CYB5RL: variants seen among roughly 807,000 people sequenced by gnomAD.
CYB5RL encodes NADH-cytochrome b5 reductase-like.
CYB5RL carries 38 observed loss-of-function variants against 37.5 expected under a neutral mutation model. The ratio of observed to expected loss-of-function variants is 1.01; its 90% confidence interval spans 0.78 to 1.33. The LOEUF (loss-of-function observed/expected upper bound fraction) is 1.33. CYB5RL is among the 40% of genes most tolerant of loss of function. The pLI is 0.00. For synonymous variants in CYB5RL, 141 were observed against 151.9 expected (o/e 0.93, Z 0.53); for missense variants, 388 against 394.4 (o/e 0.98, Z 0.14).
intron 1 of CYB5RL, among the ~76,000 whole-genome samples, chr1:54,196,704 T>G (rs1023310116): frequency 1.3e-5 from 2 of 152,208 alleles, no homozygotes; most frequent in Admixed American, 1.3e-4. Flanking sequence ...CCACCTTTGT[T>G]TGCAATCCTA....
At chr1:54,190,962 T>A in intron 3 of CYB5RL, 66 bp from the exon 4 acceptor site, 1 of 1,558,020 alleles carries the variant, frequency 6.4e-7, no homozygotes, top group Non-Finnish European at 8.7e-7. Flanking sequence ...ATCCATAGCA[T>A]CCTTCCCACT....
At chr1:54,184,062 T>C in intron 6 of CYB5RL, 99 bp downstream of exon 6, 1 of 987,696 alleles carries the variant, frequency 1.0e-6, no homozygotes, top group Non-Finnish European at 1.5e-6. Flanking sequence ...GGGATTGTGT[T>C]TGAGCTCAAG....
chr1:54,177,385 C>G (rs1427914845), intron 7 of CYB5RL, among the ~76,000 whole-genome samples: 6 of 152,218 alleles, frequency 3.9e-5, no homozygotes, highest in African/African-American at 1.4e-4. Context: ...TGGCACCACC[C>G]TGGCCCAGCT....
Position 54,195,700 on chromosome 1 carries a change from C to G in CYB5RL, c.-84G>C. ...CTCTATGAGACCACGGGCGCAGGCC[C>G]TGCTCCTTGGCCAGCCTGGGAGAGG... On this transcript the variant is annotated 5_prime_UTR_variant, in exon 3 of 8. Transcript: ENST00000534324. The G allele has an allele frequency of 6.8e-7, 1 of 1,466,164 alleles. No homozygotes were observed. Among genetic ancestry groups the G allele is most frequent in the Non-Finnish European group, 9.1e-7 (1 of 1,094,342 alleles). The allele number at this position is 1,466,164 out of a possible 1,614,324, so 90.8% of individuals were successfully genotyped here.
At chr1:54,197,524 TG>T (rs1644019438) in intron 1 of CYB5RL, among the ~76,000 whole-genome samples, 1 of 152,004 alleles carries the variant, frequency 6.6e-6, no homozygotes, top group Non-Finnish European at 1.5e-5. Flanking sequence ...GGTCCTCCTG[TG>T]GGGACCTCTG....
Position 54,187,647 on chromosome 1 carries a change from C to T in CYB5RL, c.435+5G>A, listed in dbSNP as rs201638352. The T allele has an allele frequency of 2.8e-5, 45 of 1,613,854 alleles. No individual in the cohort carries two copies. In the East Asian group the frequency reaches 7.8e-4, roughly 28 times the overall value. ...ATCTTGGAGCATCCTCAAGGGTCAA[C>T]TCACCTTAATTAACACTTCAAAGTA... On this transcript the variant is annotated splice_donor_5th_base_variant and intron_variant, in intron 5 of 7. Transcript: ENST00000534324.
intron 1 of CYB5RL, among the ~76,000 whole-genome samples, chr1:54,197,140 T>A (rs1644014439): frequency 6.6e-6 from 1 of 151,988 alleles, no homozygotes. Context: ...AATCCAGTTG[T>A]GAGTTGGATT....
intron 1 of CYB5RL, 46 bp from the exon 2 acceptor site, chr1:54,196,537 A>G (rs1644009508): frequency 6.6e-6 from 1 of 152,178 alleles, no homozygotes; most frequent in Non-Finnish European, 1.5e-5. Flanking sequence ...CTACAACTCA[A>G]TTACAAAAAA....
chr1:54,181,593 C>T (rs757641565), intron 6 of CYB5RL, among the ~76,000 whole-genome samples: 2 of 152,150 alleles, frequency 1.3e-5, no homozygotes, highest in Admixed American at 6.5e-5. Context: ...TTTCAGTGAC[C>T]GCATATTAAG....
chr1:54,171,281 G>A lies in CYB5RL; in HGVS notation c.*3338C>T, dbSNP rs1380018832. The A allele has an allele frequency of 2.2e-6, 1 of 456,308 alleles. No individual in the cohort carries two copies. Among genetic ancestry groups the A allele is most frequent in the African/African-American group, 2.0e-5 (1 of 50,044 alleles). 28.3% of individuals were successfully genotyped at this position (456,308 alleles called of 1,614,324 possible). A position where few individuals can be genotyped will look rare whatever the true frequency, so the allele number is the denominator to read the frequency against. ...AGAGAACATGTTTGGAGCCTGAGAG[G>A]TGGGTGTGAGTGGGCGGTGGCATAC... On this transcript the variant is annotated 3_prime_UTR_variant, in exon 8 of 8. Coordinates refer to ENST00000534324, the MANE Select transcript of CYB5RL (RefSeq NM_001031672.4).
intron 6 of CYB5RL, 48 bp from the exon 7 acceptor site, chr1:54,179,400 A>C: frequency 2.7e-5 from 42 of 1,565,270 alleles, no homozygotes; most frequent in Non-Finnish European, 3.4e-5. Flanking sequence ...GGAGAGTCTC[A>C]CCTTATCCCC....
chr1:54,195,702 G>A lies in CYB5RL; in HGVS notation c.-86C>T, dbSNP rs1179851092. The A allele has an allele frequency of 1.4e-6, 2 of 1,446,804 alleles. No individual in the cohort carries two copies. Among genetic ancestry groups the A allele is most frequent in the Non-Finnish European group, 1.9e-6 (2 of 1,077,962 alleles). 89.6% of individuals were successfully genotyped at this position (1,446,804 alleles called of 1,614,324 possible). ...CTATGAGACCACGGGCGCAGGCCCTGCTCCTTGGCCAGCCTGGGAGAGGGA... is the reference window on the plus strand; with the variant it reads ...CTATGAGACCACGGGCGCAGGCCCTACTCCTTGGCCAGCCTGGGAGAGGGA... On this transcript the variant is annotated 5_prime_UTR_variant, in exon 3 of 8. The change creates a premature stop within an existing upstream ORF in the 5' untranslated region. Transcript: ENST00000534324.
chr1:54,172,953 GA>G lies in CYB5RL; in HGVS notation c.*1665del, dbSNP rs1311655481. 1 of 152,210 alleles carries G rather than the reference GA, an allele frequency of 6.6e-6. No individual in the cohort carries two copies. Among genetic ancestry groups the G allele is most frequent in the Non-Finnish European group, 1.5e-5 (1 of 68,048 alleles). The allele number at this position is 152,210 out of a possible 1,614,324, so 9.4% of individuals were successfully genotyped here. A position where few individuals can be genotyped will look rare whatever the true frequency, so the allele number is the denominator to read the frequency against. On this transcript the variant is annotated 3_prime_UTR_variant, in exon 8 of 8. Transcript: ENST00000534324. ...CCCACTCACTATACTGTGCTAGAAA[GA>G]GGCTACGAAACCCACAGAAAAGTGT...
In CYB5RL at chr1:54,195,514, G is replaced by A; in HGVS notation, c.103C>T (p.Pro35Ser). ...CGGTGATAGAGGTCAAACACACAGG[G>A]TGAGCAGCCACTGCCGCAGCACTGG... ...PSQCCGSGCS[P>S]CVFDLYHRDL... Residue 35 changes from proline to serine, a missense_variant, in exon 3 of 8, where the codon CCC becomes TCC. By Grantham distance (74) the Pro-to-Ser change is moderately conservative. Coordinates refer to ENST00000534324, the MANE Select transcript of CYB5RL (RefSeq NM_001031672.4). 2.5e-6 allele frequency: 4 copies of A among 1,613,640 alleles called. No individual in the cohort carries two copies. The highest frequency in any genetic ancestry group is 3.4e-6 in the Non-Finnish European group (4 of 1,179,746).
At chr1:54,188,062 G>A (rs959366130) in intron 4 of CYB5RL, among the ~76,000 whole-genome samples, 1 of 152,168 alleles carries the variant, frequency 6.6e-6, no homozygotes, top group African/African-American at 2.4e-5. Flanking sequence ...GGCAAATAGA[G>A]CAAGACTCTG....
chr1:54,199,812 G>C (rs1197510796), intron 1 of CYB5RL, among the ~76,000 whole-genome samples, 164 bp downstream of exon 1: 1 of 152,190 alleles, frequency 6.6e-6, no homozygotes, highest in Non-Finnish European at 1.5e-5. Context: ...GCGCTGTACA[G>C]GTGCAACAGC....
At chr1:54,199,131 G>A (rs1644049461) in intron 1 of CYB5RL, among the ~76,000 whole-genome samples, 1 of 152,128 alleles carries the variant, frequency 6.6e-6, no homozygotes, top group Non-Finnish European at 1.5e-5. Context: ...CACCCCGCAG[G>A]CCTTGGTTTT....
chr1:54,173,827 G>A lies in CYB5RL; in HGVS notation c.*792C>T, dbSNP rs1557716569. 1 of 152,728 alleles carries A rather than the reference G, an allele frequency of 6.5e-6. No individual in the cohort carries two copies. The highest frequency in any genetic ancestry group is 1.9e-4 in the East Asian group (1 of 5,156). The allele number at this position is 152,728 out of a possible 1,614,324, so 9.5% of individuals were successfully genotyped here. ...CGGCAGCCGCTCAGTGGGACAAGCT[G>A]GGAGAGGGACCCAGGTCTCCTGACT... On this transcript the variant is annotated 3_prime_UTR_variant, in exon 8 of 8. Transcript: ENST00000534324.
chr1:54,189,284 G>C (rs887148260), intron 4 of CYB5RL, among the ~76,000 whole-genome samples: 10 of 152,206 alleles, frequency 6.6e-5, no homozygotes, highest in Non-Finnish European at 5.9e-5. Context: ...TATGACGTCT[G>C]CTGCAACAGA....
Sources: allele counts gnomAD v4.1 joint callset (sites outside exome capture counted in the v4.1 genomes callset), GRCh38; gene constraint gnomAD v4.1.1; transcripts MANE v1.5; gene names NCBI Gene and HGNC (gene_info 2026-07-23, HGNC 2026-07-21).